Variants in PRKAG2 observed in about 807,000 individuals in gnomAD.
The protein encoded by PRKAG2 is 5'-AMP-activated protein kinase subunit gamma-2.
Under a neutral mutation model 69.6 loss-of-function variants are expected in PRKAG2, and 26 were observed. That is an observed-to-expected ratio of 0.37 (90% CI 0.27 to 0.52). PRKAG2 has a LOEUF of 0.52. Ranked by LOEUF, PRKAG2 falls within the 20% of genes least tolerant of loss-of-function variation. PRKAG2 has a pLI of 0.90. For missense variants in PRKAG2, 557 were observed against 740.0 expected, an observed-to-expected ratio of 0.75 and a Z score of 2.87; for synonymous variants, 293 against 285.0, an observed-to-expected ratio of 1.03 and a Z score of -0.28.
rs1563756807 is a variant in PRKAG2, at chr7:151,855,113, TA to T, written c.114+21393del. 1.3e-4 allele frequency among the ~76,000 whole-genome samples: 5 copies of T among 37,156 alleles called. 1 individual carries two copies. Among genetic ancestry groups the T allele is most frequent in the Non-Finnish European group, 1.8e-4 (4 of 21,936 alleles). The allele number at this position is 37,156 out of a possible 152,430, so 24.4% of individuals were successfully genotyped here. A position where few individuals can be genotyped will look rare whatever the true frequency, so the allele number is the denominator to read the frequency against. On this transcript the variant is annotated intron_variant, in intron 1 of 15. Transcript: ENST00000287878. ...ACACCATCCTCCACACACACCACCC[TA>T]CACACACACCATCCTCCACACACAC...
At chr7:151,736,241 GGGGCTGCAC>G in intron 3 of PRKAG2, 1 of 1,359,358 alleles carries the variant, frequency 7.4e-7, no homozygotes, top group Non-Finnish European at 9.5e-7. Flanking sequence ...CCGTCCTGAC[GGGGCTGCAC>G]CTCCGGCCAC....
intron 3 of PRKAG2, among the ~76,000 whole-genome samples, chr7:151,683,357 T>C (rs1163372724): frequency 6.6e-6 from 1 of 152,176 alleles, no homozygotes; most frequent in African/African-American, 2.4e-5. Context: ...AAGCTCTAGG[T>C]CTGGTTTTAC....
intron 1 of PRKAG2, among the ~76,000 whole-genome samples, chr7:151,825,943 C>T (rs2078895510): frequency 6.6e-6 from 1 of 152,164 alleles, no homozygotes; most frequent in Non-Finnish European, 1.5e-5. Flanking sequence ...TGGCCAGCAT[C>T]CAGGGTGACC....
At chr7:151,804,785 T>C (rs1231459805) in intron 1 of PRKAG2, among the ~76,000 whole-genome samples, 1 of 152,208 alleles carries the variant, frequency 6.6e-6, no homozygotes, top group Non-Finnish European at 1.5e-5. Flanking sequence ...CCTGTGGAAC[T>C]GCTTCTCAAA....
intron 3 of PRKAG2, among the ~76,000 whole-genome samples, chr7:151,695,724 GGGT>G (rs1836505291): frequency 6.6e-6 from 1 of 152,204 alleles, no homozygotes; most frequent in South Asian, 2.1e-4. Flanking sequence ...CTGGGCAGCA[GGGT>G]GGCGTTGCTT....
chr7:151,568,371 G>C (rs967328791), intron 11 of PRKAG2, among the ~76,000 whole-genome samples: 1 of 152,226 alleles, frequency 6.6e-6, no homozygotes, highest in Non-Finnish European at 1.5e-5. Flanking sequence ...TTTTGCTCTA[G>C]ATATTAGTTC....
intron 3 of PRKAG2, among the ~76,000 whole-genome samples, chr7:151,718,719 A>G (rs1030844158): frequency 6.0e-5 from 9 of 151,194 alleles, no homozygotes; most frequent in African/African-American, 2.2e-4. Context: ...CATTTTTGGG[A>G]TCCACTACAA....
chr7:151,580,957 T>A (rs1279277849), intron 6 of PRKAG2, among the ~76,000 whole-genome samples: 2 of 152,224 alleles, frequency 1.3e-5, no homozygotes, highest in Non-Finnish European at 2.9e-5. Context: ...AATTGGGATG[T>A]ATGTAATGTA....
At position 151,740,027 on chromosome 7, in the gene PRKAG2, G is replaced by A. The variant is rs555965609; in HGVS notation, c.466+41125C>T. ...AGACTGGGAACCCCAAAAAGATAGGGGCCCAGGCCTCACCCGTTGTGAGGA... is the reference window on the plus strand; with the variant it reads ...AGACTGGGAACCCCAAAAAGATAGGAGCCCAGGCCTCACCCGTTGTGAGGA... On this transcript the variant is annotated intron_variant, in intron 3 of 15. Transcript: ENST00000287878. 5.3e-5 allele frequency among the ~76,000 whole-genome samples: 8 copies of A among 152,238 alleles called. No homozygotes were observed. In the East Asian group the frequency reaches 1.5e-3, roughly 29 times the overall value.
At chr7:151,577,546 C>T (rs1157971080) in intron 6 of PRKAG2, among the ~76,000 whole-genome samples, 2 of 152,158 alleles carry the variant, frequency 1.3e-5, no homozygotes, top group African/African-American at 4.8e-5. Flanking sequence ...CCACTGGTGG[C>T]ACCAAACACT....
At chr7:151,840,646 C>T (rs2079254480) in intron 1 of PRKAG2, among the ~76,000 whole-genome samples, 1 of 152,196 alleles carries the variant, frequency 6.6e-6, no homozygotes, top group Non-Finnish European at 1.5e-5. Context: ...AATGGGAGGT[C>T]CTCCCAAGAT....
rs1369246812 is a variant in PRKAG2, at chr7:151,876,063, C to T, written c.114+444G>A. Among the ~76,000 whole-genome samples the T allele has an allele frequency of 2.1e-5, 3 of 144,026 alleles. No homozygotes were observed. In the East Asian group the frequency reaches 6.3e-4, roughly 30 times the overall value. 94.5% of individuals were successfully genotyped at this position (144,026 alleles called of 152,430 possible). A position where few individuals can be genotyped will look rare whatever the true frequency, so the allele number is the denominator to read the frequency against. ...CCCGCCCCGCTGCTTTCCCCACCCA[C>T]CGCCCCTCCCCTCTCCTCCCTCCCC... On this transcript the variant is annotated intron_variant, in intron 1 of 15. Transcript: ENST00000287878.
rs543817694 is a variant in PRKAG2 at position 151,788,385 on chromosome 7, C to T, written c.115-1844G>A. Among the ~76,000 whole-genome samples, 61 of 152,326 alleles carry T rather than the reference C, an allele frequency of 4.0e-4. No individual in the cohort carries two copies. Among genetic ancestry groups the T allele is most frequent in the East Asian group, 1.9e-3 (10 of 5,190 alleles). The stretch of plus-strand genomic sequence containing the variant: ...GTTGAATATCTTTTCATCTGCTTAT[C>T]GGCCACTTGTCTATCATCTTTGGAG... On this transcript the variant is annotated intron_variant, in intron 1 of 15. Coordinates refer to ENST00000287878, the MANE Select transcript of PRKAG2 (RefSeq NM_016203.4). This position sits in a 1 kb window ranked among gnomAD's most constrained non-coding sequence, Gnocchi z 4.6.
At chr7:151,799,038 CT>C (rs2077693658) in intron 1 of PRKAG2, among the ~76,000 whole-genome samples, 2 of 152,328 alleles carry the variant, frequency 1.3e-5, no homozygotes, top group South Asian at 4.1e-4. Context: ...CCCCAGCCCC[CT>C]GCCGAGCGGT....
intron 3 of PRKAG2, among the ~76,000 whole-genome samples, chr7:151,677,224 T>C (rs1286571316): frequency 2.6e-5 from 4 of 152,156 alleles, no homozygotes; most frequent in African/African-American, 9.7e-5. Flanking sequence ...TTCACTCTTG[T>C]CGCCCAGGCT....
intron 1 of PRKAG2, among the ~76,000 whole-genome samples, chr7:151,866,682 T>C (rs1384080900): frequency 6.6e-6 from 1 of 152,112 alleles, no homozygotes; most frequent in Non-Finnish European, 1.5e-5. Flanking sequence ...GCCCAGGTGA[T>C]GTATGCTTCA....
intron 5 of PRKAG2, among the ~76,000 whole-genome samples, chr7:151,619,839 G>GC (rs1459065298): frequency 1.3e-5 from 2 of 152,092 alleles, no homozygotes; most frequent in African/African-American, 2.4e-5. Context: ...TGGCCAACAT[G>GC]GCGAAACCCC....
At chr7:151,808,086 G>A (rs1199213118) in intron 1 of PRKAG2, among the ~76,000 whole-genome samples, 4 of 152,128 alleles carry the variant, frequency 2.6e-5, no homozygotes, top group African/African-American at 9.7e-5. Context: ...ACAGCGGGCG[G>A]GGCTCCCCAC....
At chr7:151,668,130 G>A (rs1251192032) in intron 4 of PRKAG2, among the ~76,000 whole-genome samples, 2 of 152,144 alleles carry the variant, frequency 1.3e-5, no homozygotes, top group African/African-American at 2.4e-5. Context: ...CTACTGCAGG[G>A]GTATCTCACA....
Sources: allele counts gnomAD v4.1 joint callset (sites outside exome capture counted in the v4.1 genomes callset), GRCh38; gene constraint gnomAD v4.1.1; non-coding constraint Gnocchi (gnomAD v3.1); transcripts MANE v1.5; gene names NCBI Gene and HGNC (gene_info 2026-07-23, HGNC 2026-07-21).